Variants in FBXL5 observed in about 807,000 individuals in gnomAD.
FBXL5 encodes F-box and leucine rich repeat protein 5.
A neutral mutation model predicts 78.3 loss-of-function variants in FBXL5; 26 were observed. The ratio of observed to expected loss-of-function variants is 0.33; its 90% CI spans 0.24 to 0.46. The LOEUF (loss-of-function observed/expected upper bound fraction) is 0.46, where lower values mean the gene tolerates loss of function less well. Among genes scored for constraint, FBXL5 ranks in the 20% least tolerant of loss-of-function variants. The pLI is 1.00. For synonymous variants in FBXL5, 295 were observed against 282.5 expected (o/e 1.04, Z -0.45); for missense variants, 710 against 829.2 (o/e 0.86, Z 1.77).
intron 9 of FBXL5, among the ~76,000 whole-genome samples, chr4:15,619,345 T>G (rs1712241141): frequency 6.6e-6 from 1 of 152,128 alleles, no homozygotes; most frequent in Non-Finnish European, 1.5e-5. Flanking sequence ...TTAAAAGGAC[T>G]ACACACCCTG....
intron 1 of FBXL5, among the ~76,000 whole-genome samples, chr4:15,680,118 A>G (rs907919451): frequency 7.6e-5 from 11 of 143,828 alleles, no homozygotes; most frequent in African/African-American, 3.0e-4. Flanking sequence ...GTAAAACAGG[A>G]AAAAAAAAAA....
upstream of FBXL5, chr4:15,656,152 G>A: frequency 2.2e-6 from 1 of 455,918 alleles, no homozygotes; most frequent in Non-Finnish European, 4.4e-6. Flanking sequence ...AATAATGGAA[G>A]GTTGGTGCGG....
At chr4:15,658,466 T>A (rs769983627), upstream of FBXL5, among the ~76,000 whole-genome samples, 36 of 152,230 alleles carry the variant, frequency 2.4e-4, no homozygotes, top group Non-Finnish European at 3.1e-4. Flanking sequence ...TCTGCCCTCA[T>A]GAATGGCTTA....
At chr4:15,612,501 T>C in intron 9 of FBXL5, 87 bp from the exon 10 acceptor site, 1 of 1,195,692 alleles carries the variant, frequency 8.4e-7, no homozygotes, top group South Asian at 1.6e-5. Flanking sequence ...CTATTTTACA[T>C]ACTTTTCAAT....
intron 3 of FBXL5, among the ~76,000 whole-genome samples, chr4:15,640,016 T>C (rs1018649562): frequency 7.9e-5 from 12 of 152,130 alleles, no homozygotes; most frequent in African/African-American, 1.9e-4. Flanking sequence ...CTAATACATG[T>C]ACAGTAGGCT....
chr4:15,631,182 C>T (rs538032140), intron 5 of FBXL5, among the ~76,000 whole-genome samples: 1 of 152,218 alleles, frequency 6.6e-6, no homozygotes, highest in Admixed American at 6.5e-5. Context: ...GTTTTCTGTC[C>T]TTGTGACAGT....
chr4:15,652,886 CTGTT>C (rs36108471), intron 1 of FBXL5, among the ~76,000 whole-genome samples: 36,624 of 151,988 alleles, frequency 0.24, 4,614 homozygotes, highest in African/African-American at 0.28. Flanking sequence ...TTATTGTAAA[CTGTT>C]TGGTTGGATA....
At chr4:15,655,694 C>G (rs1012389262), upstream of FBXL5, among the ~76,000 whole-genome samples, 3 of 152,218 alleles carry the variant, frequency 2.0e-5, no homozygotes, top group African/African-American at 7.2e-5. Flanking sequence ...GGAGAGGCAG[C>G]CAAGCACAAT....
chr4:15,677,363 A>C (rs1718032289), intron 1 of FBXL5, among the ~76,000 whole-genome samples: 1 of 152,174 alleles, frequency 6.6e-6, no homozygotes, highest in Non-Finnish European at 1.5e-5. Flanking sequence ...ACTTCATAAT[A>C]TATCCCTTTC....
At chr4:15,646,422 T>C (rs1327855727) in intron 1 of FBXL5, among the ~76,000 whole-genome samples, 1 of 150,982 alleles carries the variant, frequency 6.6e-6, no homozygotes, top group African/African-American at 2.4e-5. Context: ...AATCTATTGG[T>C]GGCTAATCTC....
chr4:15,628,787 ACG>A (rs1491092340), intron 6 of FBXL5, among the ~76,000 whole-genome samples: 85 of 77,894 alleles, frequency 1.1e-3, no homozygotes, highest in African/African-American at 3.4e-3. Context: ...ACACACACAC[ACG>A]CACACACACA....
At chr4:15,633,501 A>G (rs1007973844) in intron 5 of FBXL5, among the ~76,000 whole-genome samples, 1 of 152,242 alleles carries the variant, frequency 6.6e-6, no homozygotes, top group Non-Finnish European at 1.5e-5. Flanking sequence ...GGAAAGATTA[A>G]TGTAAAGCTA....
At chr4:15,668,689 T>G (rs1246112624) in intron 1 of FBXL5, among the ~76,000 whole-genome samples, 2 of 152,186 alleles carry the variant, frequency 1.3e-5, no homozygotes, top group Non-Finnish European at 2.9e-5. Flanking sequence ...GCTATTTGGA[T>G]ATAAGATGCT....
intron 5 of FBXL5, among the ~76,000 whole-genome samples, chr4:15,631,602 T>C (rs1252102832): frequency 1.1e-4 from 17 of 152,342 alleles, no homozygotes; most frequent in South Asian, 2.1e-4. Context: ...TTTTTAATGA[T>C]CGCCATTCTA....
At chr4:15,649,578 C>CAAAAAAA (rs34238482) in intron 1 of FBXL5, among the ~76,000 whole-genome samples, 8 of 81,334 alleles carry the variant, frequency 9.8e-5, no homozygotes, top group Non-Finnish European at 1.7e-4. Context: ...GACTACGTCT[C>CAAAAAAA]AAAAAAAAAA....
upstream of FBXL5, among the ~76,000 whole-genome samples, chr4:15,658,437 G>A (rs1717127044): frequency 6.6e-6 from 1 of 152,214 alleles, no homozygotes. Flanking sequence ...CCTTTAAGAG[G>A]TGATTGGGTC....
chr4:15,678,555 C>T (rs1408218671), intron 1 of FBXL5, among the ~76,000 whole-genome samples: 2 of 152,164 alleles, frequency 1.3e-5, no homozygotes, highest in African/African-American at 2.4e-5. Context: ...TACATAGTCT[C>T]AAAATAGTCC....
rs1017022620 is a variant in FBXL5 at position 15,625,958 on chromosome 4, A to G, written c.1144T>C (p.Cys382Arg). ...AFDSWSWLGCCQSLRHLDLSG... is the reference protein window; with the variant it reads ...AFDSWSWLGCRQSLRHLDLSG... ...AGATCAAGATGCCGAAGACTCTGGC[A>G]GCAACCAAGCCAAGACCAACTATAA... The change falls in exon 9 of 11, where the codon TGC becomes CGC. Residue 382 changes from cysteine (C) to arginine (R), a missense_variant. Cys to Arg is a radical substitution (Grantham distance 180). Around this residue, in one of 4 missense-constraint regions of FBXL5, gnomAD observed 517 missense variants for 542.9 expected, o/e 0.95. Coordinates refer to ENST00000341285, the MANE Select transcript of FBXL5 (RefSeq NM_012161.4). The G allele has an allele frequency of 6.3e-7, 1 of 1,587,890 alleles. No individual in the cohort carries two copies. The highest frequency in any genetic ancestry group is 1.9e-5 in the Admixed American group (1 of 52,832).
chr4:15,664,897 A>G (rs537147710), intron 1 of FBXL5, among the ~76,000 whole-genome samples: 18 of 152,136 alleles, frequency 1.2e-4, no homozygotes, highest in African/African-American at 4.3e-4. Flanking sequence ...GCAGTCCCCA[A>G]CAGCCTACAG....
Sources: gnomAD v4.1 joint callset for allele counts (sites outside exome capture counted in the v4.1 genomes callset) on GRCh38, gnomAD v4.1.1 for gene constraint, gnomAD v4.1.1 regional missense constraint, MANE v1.5 for transcripts, NCBI Gene and HGNC (gene_info 2026-07-23, HGNC 2026-07-21) for gene names.